TLE2: variants seen among roughly 807,000 people sequenced by gnomAD.
The protein encoded by TLE2 is transducin-like enhancer protein 2.
Under a neutral mutation model 97.2 loss-of-function variants are expected in TLE2, and 74 were observed. That is an observed-to-expected ratio of 0.76 (90% CI 0.63 to 0.92). The LOEUF (loss-of-function observed/expected upper bound fraction) is 0.92, where lower values mean the gene tolerates loss of function less well. Among genes scored for constraint, TLE2 ranks in the 40% least tolerant of loss-of-function variants. The pLI, the probability that TLE2 is intolerant of heterozygous loss-of-function variation, is 0.00. For missense variants in TLE2, 1,038 were observed against 1,008.7 expected (o/e 1.03, Z -0.39); for synonymous variants, 499 against 432.1 (o/e 1.15, Z -1.92).
intron 5 of TLE2, among the ~76,000 whole-genome samples, chr19:3,023,674 C>G (rs1306885748): frequency 6.6e-6 from 1 of 152,018 alleles, no homozygotes; most frequent in Non-Finnish European, 1.5e-5. Flanking sequence ...GGGCGGATTG[C>G]TTGAGTCCGG....
chr19:3,033,799 G>C (rs71339161), upstream of TLE2, among the ~76,000 whole-genome samples: 9,096 of 152,216 alleles, frequency 0.06, 401 homozygotes, highest in Middle Eastern at 0.13. Context: ...GAGGCCAGGA[G>C]TTTGAGACCA....
At chr19:3,033,414 G>A (rs112430601), upstream of TLE2, among the ~76,000 whole-genome samples, 1,235 of 152,064 alleles carry the variant, frequency 8.1e-3, 21 homozygotes, top group African/African-American at 0.028. Flanking sequence ...TGATCCGCCC[G>A]CCTCAGCCTC....
intron 14 of TLE2, among the ~76,000 whole-genome samples, chr19:3,008,448 C>CTT (rs2089520714): frequency 7.2e-6 from 1 of 139,268 alleles, no homozygotes; most frequent in African/African-American, 2.7e-5. Context: ...GACTTTTTTT[C>CTT]TTTTTTCTTT....
At chr19:3,021,644 A>T (rs2089846272) in intron 5 of TLE2, among the ~76,000 whole-genome samples, 1 of 151,912 alleles carries the variant, frequency 6.6e-6, no homozygotes, top group South Asian at 2.1e-4. Flanking sequence ...GTGCAATGGC[A>T]TGCTCTTGGC....
intron 3 of TLE2, 150 bp downstream of exon 3, chr19:3,028,169 A>T (rs1195997344): frequency 6.0e-6 from 5 of 837,766 alleles, no homozygotes; most frequent in Non-Finnish European, 5.8e-6. Context: ...AGCTGGGAGG[A>T]CCCTCCTAGA....
chr19:3,036,089 G>T (rs1052012472), intron 1 of TLE2, among the ~76,000 whole-genome samples: 5 of 152,158 alleles, frequency 3.3e-5, no homozygotes, highest in African/African-American at 4.8e-5. Flanking sequence ...GCCCGGCGAA[G>T]AGCTGAAGCT....
At chr19:3,047,541 C>T (rs2090154070), upstream of TLE2, 1 of 151,228 alleles carries the variant, frequency 6.6e-6, no homozygotes, top group East Asian at 2.0e-4. Context: ...CTGCCAGCAA[C>T]ATCAATATCA....
chr19:3,010,061 C>T lies in TLE2; in HGVS notation c.1013-359G>A, dbSNP rs115815855. Among the ~76,000 whole-genome samples the T allele has an allele frequency of 4.6e-3, 694 of 151,896 alleles. 10 individuals carry two copies. Among genetic ancestry groups the T allele is most frequent in the African/African-American group, 0.016 (680 of 41,444 alleles). ...CTTCTTTTAATTGGCAAACTCCTAT[C>T]CATCCTTCAAAACCCAGGCCCACCG... On this transcript the variant is annotated intron_variant, in intron 12 of 19. Transcript: ENST00000262953.
intron 8 of TLE2, among the ~76,000 whole-genome samples, chr19:3,017,432 GT>G (rs773353073): frequency 1.0e-3 from 142 of 140,560 alleles, no homozygotes; most frequent in East Asian, 6.8e-3. Context: ...ACCTGGCCTG[GT>G]TTTTTTTTTT....
In TLE2 at chr19:2,997,934, G is replaced by A; in HGVS notation, c.2146C>T (p.Leu716=). The A allele has an allele frequency of 1.2e-6, 2 of 1,612,694 alleles. No homozygotes were observed. The highest frequency in any genetic ancestry group is 1.6e-4 in the Middle Eastern group (1 of 6,062). The change falls in exon 20 of 20, where the codon CTG becomes TTG. Residue 716 remains leucine, a synonymous_variant. Coordinates refer to ENST00000262953, the MANE Select transcript of TLE2 (RefSeq NM_003260.5). Reference sequence around the variant, plus strand: ...TTATTTCTGGAGATGTCACAACTCAGGACTGAGGACGACTCCTTGGACTGC... The same window carrying A: ...TTATTTCTGGAGATGTCACAACTCAAGACTGAGGACGACTCCTTGGACTGC... ...IFQSKESSSV[L]SCDISRNNKY...
upstream of TLE2, among the ~76,000 whole-genome samples, chr19:3,046,837 C>T (rs544044780): frequency 6.6e-5 from 10 of 151,460 alleles, no homozygotes; most frequent in South Asian, 2.1e-3. Flanking sequence ...GAATATGGGC[C>T]CACCCCAGTC....
chr19:2,999,314 C>G (rs995448761), intron 19 of TLE2, among the ~76,000 whole-genome samples: 1 of 151,478 alleles, frequency 6.6e-6, no homozygotes, highest in Non-Finnish European at 1.5e-5. Context: ...CCAACCAGGA[C>G]GGGCATATTA....
At chr19:3,025,326 C>T (rs2089923587) in intron 4 of TLE2, 1 of 1,279,798 alleles carries the variant, frequency 7.8e-7, no homozygotes, top group African/African-American at 1.5e-5. Context: ...GGCTGAGGTC[C>T]TACGAGTCAC....
Position 3,005,960 on chromosome 19 carries a change from G to T in TLE2, c.1509C>A (p.Asp503Glu). 1 of 1,610,242 alleles carries T rather than the reference G, an allele frequency of 6.2e-7. No homozygotes were observed. The highest frequency in any genetic ancestry group is 8.5e-7 in the Non-Finnish European group (1 of 1,176,880). ...GCAACTTGCAGGAACGAATGTAGTT[G>T]TCTCGGTTCTGGGGTCGGGGAGAGA... ...PVAQLDCLNRDNYIRSCKLLP... is the reference protein window; with the variant it reads ...PVAQLDCLNRENYIRSCKLLP... Residue 503 changes from aspartate to glutamate, a missense_variant, in exon 16 of 20, where the codon GAC (aspartate) becomes GAA (glutamate). Physicochemically the swap from Asp to Glu is conservative, Grantham distance 45 (BLOSUM62 2). Coordinates refer to ENST00000262953, the MANE Select transcript of TLE2 (RefSeq NM_003260.5).
chr19:3,021,578 C>T (rs919477995), intron 5 of TLE2, among the ~76,000 whole-genome samples: 3 of 151,936 alleles, frequency 2.0e-5, no homozygotes, highest in Non-Finnish European at 4.4e-5. Context: ...ATTTAATAGG[C>T]TTATTTTTAT....
chr19:3,004,363 A>G (rs1431274275), intron 17 of TLE2, among the ~76,000 whole-genome samples: 5 of 151,850 alleles, frequency 3.3e-5, no homozygotes, highest in Non-Finnish European at 7.4e-5. Flanking sequence ...TGGGAGGGCA[A>G]GCGCGGTGGC....
intron 8 of TLE2, among the ~76,000 whole-genome samples, chr19:3,016,549 C>CA (rs2089709910): frequency 6.8e-6 from 1 of 147,110 alleles, no homozygotes; most frequent in East Asian, 2.1e-4. Context: ...GAGATTGCAC[C>CA]ACTGCGCTCC....
rs557684270 is a variant in TLE2 at position 3,014,778 on chromosome 19, C to T, written c.679-164G>A. Among the ~76,000 whole-genome samples, 5 of 152,100 alleles carry T rather than the reference C, an allele frequency of 3.3e-5. No homozygotes were observed. In the South Asian group the frequency reaches 8.3e-4, roughly 25 times the overall value. On this transcript the variant is annotated intron_variant, in intron 9 of 19. Coordinates refer to ENST00000262953, the MANE Select transcript of TLE2 (RefSeq NM_003260.5). Reference sequence around the variant, plus strand: ...GCTCATAGCAGAAGGGAAGGCTGCACGTGCCCGCATCCGGGAAGGATGTGG... The same window carrying T: ...GCTCATAGCAGAAGGGAAGGCTGCATGTGCCCGCATCCGGGAAGGATGTGG...
intron 1 of TLE2, among the ~76,000 whole-genome samples, chr19:3,037,655 C>T (rs1228569870): frequency 6.6e-6 from 1 of 152,050 alleles, no homozygotes; most frequent in Non-Finnish European, 1.5e-5. Flanking sequence ...CTAGGATTGG[C>T]TGAGGGGCTC....
Sources: allele counts gnomAD v4.1 joint callset (sites outside exome capture counted in the v4.1 genomes callset), GRCh38; gene constraint gnomAD v4.1.1; transcripts MANE v1.5; gene names NCBI Gene and HGNC (gene_info 2026-07-23, HGNC 2026-07-21).